The following BANK1 variants were observed in gnomAD, a reference collection of about 807,000 sequenced individuals.
The protein encoded by BANK1 is B cell scaffold protein with ankyrin repeats 1, also known as B-cell scaffold protein with ankyrin repeats.
BANK1 carries 95 observed loss-of-function variants against 94.5 expected under a neutral mutation model. That is an observed-to-expected ratio of 1.00 (90% CI 0.85 to 1.19). The LOEUF is 1.19. BANK1 is among the 50% of genes most tolerant of loss of function. BANK1 has a pLI of 0.00. For missense variants in BANK1, 987 were observed against 932.2 expected (o/e 1.06, Z -0.77); for synonymous variants, 334 against 308.4 (o/e 1.08, Z -0.87).
chr4:101,887,618 A>C (rs1419214725), intron 5 of BANK1, among the ~76,000 whole-genome samples: 2 of 152,236 alleles, frequency 1.3e-5, no homozygotes, highest in African/African-American at 2.4e-5. Flanking sequence ...GTCCTGGAGC[A>C]GGCATTTAAA....
intron 5 of BANK1, among the ~76,000 whole-genome samples, chr4:101,891,847 TC>T (rs1364341761): frequency 2.0e-5 from 3 of 152,060 alleles, no homozygotes; most frequent in African/African-American, 7.2e-5. Flanking sequence ...CTTTGTATCT[TC>T]TATTTATTTG....
chr4:102,007,144 TTTTATATA>T lies in BANK1; in HGVS notation c.1207-14368_1207-14361del, dbSNP rs1187236384. 1.7e-3 allele frequency among the ~76,000 whole-genome samples: 139 copies of T among 83,900 alleles called. 7 individuals are homozygous for T. The highest frequency in any genetic ancestry group is 5.5e-3 in the African/African-American group (111 of 20,358). 55.0% of individuals were successfully genotyped at this position (83,900 alleles called of 152,430 possible). Reference sequence around the variant, plus strand: ...ATTTTATATATATATAAAAAATATATTTTATATATATATATATATATATATAAAATCCC... The same window carrying T: ...ATTTTATATATATATAAAAAATATATTATATATATATATATATAAAATCCC... On this transcript the variant is annotated intron_variant, in intron 7 of 16. Transcript: ENST00000322953.
intron 7 of BANK1, among the ~76,000 whole-genome samples, chr4:101,939,112 C>A (rs566430353): frequency 1.3e-5 from 2 of 151,754 alleles, no homozygotes; most frequent in Non-Finnish European, 3.0e-5. Flanking sequence ...TGCAAGAATC[C>A]ATTTCTTTCC....
At chr4:102,002,134 C>T (rs577710322) in intron 7 of BANK1, among the ~76,000 whole-genome samples, 2 of 152,350 alleles carry the variant, frequency 1.3e-5, no homozygotes, top group East Asian at 3.9e-4. Flanking sequence ...TTTCCTGTAA[C>T]ACGACTGCTC....
At chr4:101,842,992 TTTAGAAAGTTTTTC>T (rs911819070) in intron 2 of BANK1, among the ~76,000 whole-genome samples, 1 of 152,242 alleles carries the variant, frequency 6.6e-6, no homozygotes, top group Non-Finnish European at 1.5e-5. Context: ...CTAAATGAGC[TTTAGAAAGTTTTTC>T]TGTCTGGAAC....
chr4:101,809,469 C>T (rs1725669248), intron 1 of BANK1, among the ~76,000 whole-genome samples: 1 of 151,930 alleles, frequency 6.6e-6, no homozygotes, highest in Admixed American at 6.6e-5. Flanking sequence ...TACCTGTTCC[C>T]CCCAAAACTA....
intron 2 of BANK1, among the ~76,000 whole-genome samples, chr4:101,850,931 C>A (rs1316035939): frequency 6.6e-6 from 1 of 152,012 alleles, no homozygotes; most frequent in African/African-American, 2.4e-5. Context: ...TCTGCTTGGG[C>A]CTCCCTATTC....
chr4:101,916,661 GTAT>G (rs1398353231), intron 6 of BANK1, among the ~76,000 whole-genome samples: 1 of 151,894 alleles, frequency 6.6e-6, no homozygotes, highest in Non-Finnish European at 1.5e-5. Flanking sequence ...CTGTTTATTT[GTAT>G]TTGTAAAACA....
intron 3 of BANK1, among the ~76,000 whole-genome samples, chr4:101,856,611 C>G (rs1423343394): frequency 6.6e-6 from 1 of 152,098 alleles, no homozygotes; most frequent in African/African-American, 2.4e-5. Flanking sequence ...CAGTAAAATT[C>G]GAGCACTGTA....
chr4:102,017,844 T>C (rs1242348496), intron 7 of BANK1, among the ~76,000 whole-genome samples: 1 of 152,234 alleles, frequency 6.6e-6, no homozygotes, highest in Non-Finnish European at 1.5e-5. Flanking sequence ...TTTTAACCCA[T>C]ACAAAGAAAA....
intron 5 of BANK1, among the ~76,000 whole-genome samples, chr4:101,880,712 C>A (rs767856869): frequency 1.3e-5 from 2 of 151,962 alleles, no homozygotes; most frequent in African/African-American, 2.4e-5. Context: ...ATGATATTGG[C>A]GTTAAAACAG....
intron 11 of BANK1, among the ~76,000 whole-genome samples, chr4:102,054,940 G>A (rs1728178844): frequency 6.6e-6 from 1 of 151,946 alleles, no homozygotes; most frequent in Admixed American, 6.6e-5. Flanking sequence ...CATCTTTCTT[G>A]CACCTGCTTT....
intron 6 of BANK1, among the ~76,000 whole-genome samples, chr4:101,897,528 G>T (rs1722128461): frequency 6.6e-6 from 1 of 151,956 alleles, no homozygotes; most frequent in South Asian, 2.1e-4. Context: ...TATGAATCTG[G>T]TTCAGCAGGG....
intron 7 of BANK1, among the ~76,000 whole-genome samples, chr4:101,999,387 G>T (rs1333738172): frequency 6.6e-6 from 1 of 151,974 alleles, no homozygotes; most frequent in African/African-American, 2.4e-5. Context: ...TTCTGCCCTA[G>T]TACTAATATT....
chr4:101,853,092 G>T (rs1578357846), intron 2 of BANK1, among the ~76,000 whole-genome samples: 1 of 152,156 alleles, frequency 6.6e-6, no homozygotes, highest in African/African-American at 2.4e-5. Context: ...AAGAAAGAAA[G>T]AGATTGCTTA....
intron 5 of BANK1, among the ~76,000 whole-genome samples, chr4:101,880,311 A>G (rs1218764840): frequency 6.6e-6 from 1 of 152,116 alleles, no homozygotes; most frequent in Admixed American, 6.5e-5. Flanking sequence ...AATCTGAACA[A>G]GAAATAAAAA....
At position 101,839,936 on chromosome 4, in the gene BANK1, A is replaced by ATTT. The variant is rs1305309687; in HGVS notation, c.469+9730_469+9731insTTT. ...AGCTACTATATAATTTCAAATATTT[A>ATTT]ATTTTTTTTTTTTTTTTTTTTTTTT... On this transcript the variant is annotated intron_variant, in intron 2 of 16. Transcript: ENST00000322953. Among the ~76,000 whole-genome samples the ATTT allele has an allele frequency of 6.2e-3, 486 of 78,948 alleles. 5 individuals are homozygous for ATTT. The highest frequency in any genetic ancestry group is 0.021 in the African/African-American group (464 of 21,682). 51.8% of individuals were successfully genotyped at this position (78,948 alleles called of 152,430 possible).
intron 5 of BANK1, among the ~76,000 whole-genome samples, chr4:101,889,904 A>G (rs774555618): frequency 6.6e-6 from 1 of 152,112 alleles, no homozygotes; most frequent in Non-Finnish European, 1.5e-5. Flanking sequence ...AATTCTGTTC[A>G]GAGTTTCCTT....
intron 6 of BANK1, among the ~76,000 whole-genome samples, chr4:101,903,487 G>C (rs145644086): frequency 6.6e-6 from 1 of 152,188 alleles, no homozygotes. Flanking sequence ...AGTCTACTAC[G>C]TCATGTTCTT....
Sources: gnomAD v4.1 joint callset for allele counts (sites outside exome capture counted in the v4.1 genomes callset) on GRCh38, gnomAD v4.1.1 for gene constraint, MANE v1.5 for transcripts, NCBI Gene and HGNC (gene_info 2026-07-23, HGNC 2026-07-21) for gene names.